P4HA2: variants seen among roughly 807,000 people sequenced by gnomAD.
P4HA2 encodes prolyl 4-hydroxylase subunit alpha-2.
Under a neutral mutation model 76.9 loss-of-function variants are expected in P4HA2, and 46 were observed. That is an observed-to-expected ratio of 0.60 (90% confidence interval 0.47 to 0.76). The LOEUF (loss-of-function observed/expected upper bound fraction) is 0.76, where lower values mean the gene tolerates loss of function less well. Ranked by LOEUF, P4HA2 falls within the 30% of genes least tolerant of loss-of-function variation. The pLI is 0.00. For synonymous variants in P4HA2, 243 were observed against 254.0 expected (o/e 0.96, Z 0.41); for missense variants, 583 against 669.4 (o/e 0.87, Z 1.42).
At chr5:132,208,313 G>A (rs1302605737) in intron 7 of P4HA2, among the ~76,000 whole-genome samples, 1 of 133,742 alleles carries the variant, frequency 7.5e-6, no homozygotes, top group East Asian at 2.2e-4. Context: ...GGAAAAAGAG[G>A]AAACAGGAAA....
chr5:132,207,444 C>G (rs1360155688), intron 8 of P4HA2, among the ~76,000 whole-genome samples: 2 of 152,206 alleles, frequency 1.3e-5, no homozygotes, highest in Non-Finnish European at 2.9e-5. Context: ...AACTGACACA[C>G]CAGTGTAGAC....
At chr5:132,212,690 G>A (rs1201889235) in intron 5 of P4HA2, among the ~76,000 whole-genome samples, 1 of 152,220 alleles carries the variant, frequency 6.6e-6, no homozygotes, top group Non-Finnish European at 1.5e-5. Flanking sequence ...CACCTCAGGT[G>A]ATGGAAATGG....
intron 6 of P4HA2, 42 bp downstream of exon 6, chr5:132,210,242 C>T (rs1752882295): frequency 6.2e-7 from 1 of 1,610,294 alleles, no homozygotes; most frequent in East Asian, 2.2e-5. Flanking sequence ...GTTCCTCTGC[C>T]ACTCTCCATT....
chr5:132,222,088 AT>A (rs1047110804), intron 1 of P4HA2: 4 of 152,268 alleles, frequency 2.6e-5, no homozygotes, highest in African/African-American at 9.6e-5. Flanking sequence ...TGCAACCCAA[AT>A]GCAACAGCCT....
At chr5:132,206,030 G>A (rs1467558538) in intron 8 of P4HA2, among the ~76,000 whole-genome samples, 1 of 152,142 alleles carries the variant, frequency 6.6e-6, no homozygotes, top group East Asian at 1.9e-4. Context: ...GGAAAGGAGG[G>A]GTCAGCTTAT....
chr5:132,203,725 A>G (rs1162890502), intron 10 of P4HA2, 23 bp downstream of exon 10: 2 of 1,478,586 alleles, frequency 1.4e-6, no homozygotes, highest in Admixed American at 1.7e-5. Flanking sequence ...CCCAACTCCT[A>G]CAGTCCCAGG....
chr5:132,226,250 A>G (rs1167734693), intron 1 of P4HA2, among the ~76,000 whole-genome samples: 1 of 152,200 alleles, frequency 6.6e-6, no homozygotes, highest in African/African-American at 2.4e-5. Flanking sequence ...TAGGTGGACA[A>G]TGGATCTCCA....
chr5:132,219,616 G>A (rs1031332345), intron 1 of P4HA2, among the ~76,000 whole-genome samples: 2 of 152,014 alleles, frequency 1.3e-5, no homozygotes, highest in African/African-American at 2.4e-5. Context: ...CAGCTCTGCC[G>A]GTCTTCTTCC....
chr5:132,224,107 A>G (rs1227171424), intron 1 of P4HA2, among the ~76,000 whole-genome samples: 2 of 152,206 alleles, frequency 1.3e-5, no homozygotes, highest in Admixed American at 1.3e-4. Flanking sequence ...TGGTCCCTTA[A>G]GTTCAGATGG....
Position 132,210,480 on chromosome 5 carries a change from C to T in P4HA2, c.513G>A (p.Gly171=), listed in dbSNP as rs754333707. The T allele has an allele frequency of 6.2e-7, 1 of 1,614,056 alleles. No homozygotes were observed. The change falls in exon 6 of 15, where the codon GGG becomes GGA. Residue 171 remains glycine (G), a synonymous_variant. Transcript: ENST00000360568. ...CTTCATTGTAGGCCGAGCGGCCCAT[C>T]CCAAAGCAGTCATCCACACTCAGCA... ...QAMLSVDDCF[G]MGRSAYNEGD... is the part of the protein sequence containing the mutation.
chr5:132,211,287 C>A (rs1753052362), intron 5 of P4HA2, among the ~76,000 whole-genome samples: 1 of 152,122 alleles, frequency 6.6e-6, no homozygotes, highest in Non-Finnish European at 1.5e-5. Context: ...TAGGGAGATG[C>A]AGGATTTAGG....
rs156032 is a variant in P4HA2, at chr5:132,191,434, C to T, written c.*1576G>A. Among the ~76,000 whole-genome samples, 33,337 of 147,730 alleles carry T rather than the reference C, an allele frequency of 0.23. 4,065 individuals carry two copies. The highest frequency in any genetic ancestry group is 0.33 in the African/African-American group (13,046 of 39,980). On this transcript the variant is annotated 3_prime_UTR_variant, in exon 15 of 15. Transcript: ENST00000360568. ...GGCTGAGGCAGGAGAATGGCGTGAA[C>T]CCGGGAGGCGGAGCTTGCAGTGAGC...
chr5:132,203,588 T>C, intron 10 of P4HA2, 160 bp downstream of exon 10: 3 of 607,748 alleles, frequency 4.9e-6, no homozygotes, highest in Non-Finnish European at 8.9e-6. Context: ...CCAGCAGGCA[T>C]GATTAATTCT....
At chr5:132,217,933 G>A (rs1467363007) in intron 2 of P4HA2, 85 bp from the exon 3 acceptor site, 1 of 772,908 alleles carries the variant, frequency 1.3e-6, no homozygotes, top group Non-Finnish European at 2.2e-6. Context: ...TACCAGCACA[G>A]AAGCAAGTCC....
intron 10 of P4HA2, chr5:132,201,691 A>G (rs539326338): frequency 6.6e-6 from 1 of 152,346 alleles, no homozygotes; most frequent in East Asian, 1.9e-4. Context: ...CTCTACCAAG[A>G]GGTCTGGCAT....
chr5:132,211,658 C>A (rs1753111425), intron 5 of P4HA2, among the ~76,000 whole-genome samples: 1 of 152,158 alleles, frequency 6.6e-6, no homozygotes, highest in Non-Finnish European at 1.5e-5. Flanking sequence ...CTCCACAGGT[C>A]TCCTCTGGCT....
intron 7 of P4HA2, among the ~76,000 whole-genome samples, chr5:132,208,167 C>T (rs1676474029): frequency 6.6e-6 from 1 of 150,988 alleles, no homozygotes; most frequent in African/African-American, 2.4e-5. Flanking sequence ...ATGGTGCATA[C>T]CTGTAGTCCC....
At chr5:132,218,870 G>A (rs779524368) in intron 1 of P4HA2, among the ~76,000 whole-genome samples, 7 of 152,168 alleles carry the variant, frequency 4.6e-5, no homozygotes, top group Non-Finnish European at 7.3e-5. Flanking sequence ...CGTGCCCTGC[G>A]GAGAGAGCCC....
At chr5:132,197,608 C>CAAAAAAAAAAAAAA (rs555319735) in intron 12 of P4HA2, among the ~76,000 whole-genome samples, 1 of 55,184 alleles carries the variant, frequency 1.8e-5, no homozygotes, top group African/African-American at 6.8e-5. Flanking sequence ...ACTCCATCTC[C>CAAAAAAAAAAAAAA]AAAAAAAAAA....
Sources: gnomAD v4.1 joint callset for allele counts (sites outside exome capture counted in the v4.1 genomes callset) on GRCh38, gnomAD v4.1.1 for gene constraint, MANE v1.5 for transcripts, NCBI Gene and HGNC (gene_info 2026-07-23, HGNC 2026-07-21) for gene names.